Variants in CTNNA2 observed in about 807,000 individuals in gnomAD.
The protein encoded by CTNNA2 is catenin alpha 2, also known as catenin alpha-2.
CTNNA2 carries 42 observed loss-of-function variants against 101.0 expected under a neutral mutation model. That is an observed-to-expected ratio of 0.42 (90% CI 0.32 to 0.54). The LOEUF is 0.54. CTNNA2 is among the 20% of genes least tolerant of loss of function. The probability of loss-of-function intolerance (pLI) is 0.14; values close to 1 mark genes in which losing one functional copy is unlikely to be tolerated. For synonymous variants in CTNNA2, 450 were observed against 456.4 expected, an observed-to-expected ratio of 0.99 and a Z score of 0.18; for missense variants, 871 against 1,223.1, an observed-to-expected ratio of 0.71 and a Z score of 4.29.
upstream of CTNNA2, among the ~76,000 whole-genome samples, chr2:79,511,687 A>G (rs1459083639): frequency 6.6e-6 from 1 of 152,194 alleles, no homozygotes; most frequent in Admixed American, 6.5e-5. Flanking sequence ...GCATGGACAG[A>G]GGTATCCCTC....
chr2:80,626,393 G>A (rs1275924849), intron 18 of CTNNA2, among the ~76,000 whole-genome samples: 1 of 152,040 alleles, frequency 6.6e-6, no homozygotes, highest in Non-Finnish European at 1.5e-5. Context: ...AAGAAGAGGT[G>A]AGAGGGTTAA....
chr2:79,835,666 G>GTTTTTTTTTTTTTTT (rs70940048), intron 3 of CTNNA2, among the ~76,000 whole-genome samples: 4 of 58,634 alleles, frequency 6.8e-5, no homozygotes, highest in Non-Finnish European at 8.9e-5. Flanking sequence ...GCCTCTCTTT[G>GTTTTTTTTTTTTTTT]TTTTTTTTTT....
At chr2:79,197,490 A>G (rs1242688793) in intron 1 of CTNNA2, among the ~76,000 whole-genome samples, 1 of 151,154 alleles carries the variant, frequency 6.6e-6, no homozygotes. Context: ...TTTGGTTTTC[A>G]GTGCTTGTTG....
chr2:80,210,237 A>C (rs934272188), intron 7 of CTNNA2, among the ~76,000 whole-genome samples: 9 of 152,196 alleles, frequency 5.9e-5, no homozygotes, highest in African/African-American at 2.2e-4. Flanking sequence ...ATTAGACTTT[A>C]AGTTCTAGGG....
intron 2 of CTNNA2, among the ~76,000 whole-genome samples, chr2:79,689,780 C>T (rs1229847415): frequency 6.6e-6 from 1 of 151,642 alleles, no homozygotes; most frequent in Non-Finnish European, 1.5e-5. Context: ...AGAGCTGTAG[C>T]AAAGAATAAA....
chr2:80,271,119 A>C (rs1226828254), intron 7 of CTNNA2, among the ~76,000 whole-genome samples: 1 of 152,232 alleles, frequency 6.6e-6, no homozygotes, highest in Non-Finnish European at 1.5e-5. Flanking sequence ...AAATGACAGA[A>C]AGTTTCAATG....
At chr2:80,135,524 C>G (rs1430311537) in intron 7 of CTNNA2, among the ~76,000 whole-genome samples, 1 of 152,200 alleles carries the variant, frequency 6.6e-6, no homozygotes, top group Non-Finnish European at 1.5e-5. Context: ...TCCCACGTCT[C>G]TTTTCTGCCC....
chr2:80,322,641 GC>G (rs1678826749), intron 7 of CTNNA2, among the ~76,000 whole-genome samples: 1 of 151,876 alleles, frequency 6.6e-6, no homozygotes, highest in Non-Finnish European at 1.5e-5. Context: ...CAGCCCAGCC[GC>G]CGCGTGTGTT....
chr2:79,583,322 G>A (rs555678366), intron 1 of CTNNA2, among the ~76,000 whole-genome samples: 1 of 151,958 alleles, frequency 6.6e-6, no homozygotes, highest in African/African-American at 2.4e-5. Flanking sequence ...AATTAGAATT[G>A]CTAATTTCTA....
At chr2:79,748,484 G>A (rs1671788597) in intron 3 of CTNNA2, among the ~76,000 whole-genome samples, 1 of 152,036 alleles carries the variant, frequency 6.6e-6, no homozygotes, top group Admixed American at 6.6e-5. Context: ...AAATCTGTTA[G>A]TTTTACTATT....
chr2:80,051,547 A>C (rs775743918), intron 7 of CTNNA2, among the ~76,000 whole-genome samples: 5 of 152,176 alleles, frequency 3.3e-5, no homozygotes, highest in African/African-American at 4.8e-5. Flanking sequence ...TTTGTCTATA[A>C]ATTTACATTC....
intron 7 of CTNNA2, among the ~76,000 whole-genome samples, chr2:80,220,145 G>A (rs1668063352): frequency 6.6e-6 from 1 of 152,166 alleles, no homozygotes; most frequent in South Asian, 2.1e-4. Flanking sequence ...AGTTCTTCCT[G>A]TAACTGTAAA....
chr2:79,417,869 C>G (rs535009108), intron 4 of CTNNA2, among the ~76,000 whole-genome samples: 68 of 152,178 alleles, frequency 4.5e-4, no homozygotes, highest in African/African-American at 1.5e-3. Context: ...GCCTACTGCA[C>G]AAACATAATA....
chr2:79,867,581 T>C (rs1682232635), intron 4 of CTNNA2, among the ~76,000 whole-genome samples: 1 of 152,176 alleles, frequency 6.6e-6, no homozygotes, highest in Non-Finnish European at 1.5e-5. Context: ...TAACTTAAGT[T>C]TACCTTTACA....
chr2:80,298,120 AGTGTGT>A (rs915662951), intron 7 of CTNNA2: 1 of 151,632 alleles, frequency 6.6e-6, no homozygotes, highest in Non-Finnish European at 1.5e-5. Flanking sequence ...GAGAGGTAGG[AGTGTGT>A]GTGTATATTT....
intron 2 of CTNNA2, among the ~76,000 whole-genome samples, chr2:79,209,231 A>G (rs1038289816): frequency 1.2e-4 from 18 of 152,220 alleles, no homozygotes; most frequent in Admixed American, 3.3e-4. Flanking sequence ...CTCTGTTTCT[A>G]TAGAAAAGTA....
intron 11 of CTNNA2, among the ~76,000 whole-genome samples, chr2:80,554,718 T>C (rs1692873785): frequency 6.6e-6 from 1 of 152,202 alleles, no homozygotes. Flanking sequence ...TTTTAACATA[T>C]GAATTTTAAG....
chr2:80,088,074 C>T (rs1462224888), intron 7 of CTNNA2, among the ~76,000 whole-genome samples: 1 of 151,904 alleles, frequency 6.6e-6, no homozygotes, highest in East Asian at 1.9e-4. Flanking sequence ...TGTGCTATTC[C>T]AGCAGCACAA....
intron 7 of CTNNA2, among the ~76,000 whole-genome samples, chr2:80,092,726 C>T (rs1288308289): frequency 1.3e-5 from 2 of 152,112 alleles, no homozygotes; most frequent in East Asian, 1.9e-4. Context: ...ACTGGCCTAG[C>T]TGCTGCCAAG....
Sources: allele counts gnomAD v4.1 joint callset (sites outside exome capture counted in the v4.1 genomes callset), GRCh38; gene constraint gnomAD v4.1.1; transcripts MANE v1.5; gene names NCBI Gene and HGNC (gene_info 2026-07-23, HGNC 2026-07-21).